Variants in COG5 observed in about 807,000 individuals in gnomAD.
The protein encoded by COG5 is component of oligomeric golgi complex 5.
COG5 carries 86 observed loss-of-function variants against 110.4 expected under a neutral mutation model. The ratio of observed to expected loss-of-function variants is 0.78; its 90% CI spans 0.65 to 0.93. The LOEUF (loss-of-function observed/expected upper bound fraction) is 0.93, where lower values mean the gene tolerates loss of function less well. COG5 is among the 40% of genes least tolerant of loss of function. The probability of loss-of-function intolerance (pLI) is 0.00; values close to 1 mark genes in which losing one functional copy is unlikely to be tolerated. For synonymous variants in COG5, 360 were observed against 334.6 expected (o/e 1.08, Z -0.83); for missense variants, 1,077 against 987.0 (o/e 1.09, Z -1.22).
chr7:107,377,621 C>G (rs1273730083), intron 7 of COG5, among the ~76,000 whole-genome samples: 1 of 152,160 alleles, frequency 6.6e-6, no homozygotes, highest in Non-Finnish European at 1.5e-5. Flanking sequence ...CCAAACTCTA[C>G]CACATAGCAG....
intron 6 of COG5, among the ~76,000 whole-genome samples, chr7:107,459,787 T>C (rs1386700075): frequency 1.6e-5 from 2 of 122,876 alleles, no homozygotes; most frequent in African/African-American, 6.7e-5. Flanking sequence ...TGCAGCAAGA[T>C]TCTGGCTCAG....
At chr7:107,384,240 A>G (rs1393004494) in intron 7 of COG5, among the ~76,000 whole-genome samples, 1 of 152,098 alleles carries the variant, frequency 6.6e-6, no homozygotes, top group Admixed American at 6.5e-5. Context: ...GCCCCCTGTC[A>G]GCAAGAGGCA....
At chr7:107,439,819 G>A (rs1248211998) in intron 6 of COG5, among the ~76,000 whole-genome samples, 2 of 152,080 alleles carry the variant, frequency 1.3e-5, no homozygotes, top group Non-Finnish European at 2.9e-5. Flanking sequence ...TTTCAAAAAT[G>A]GGATACATTA....
chr7:107,320,598 T>TCTGGTTGTCCAAGTCTAAAA (rs1035380420), intron 11 of COG5, among the ~76,000 whole-genome samples: 2 of 152,194 alleles, frequency 1.3e-5, no homozygotes, highest in Non-Finnish European at 2.9e-5. Flanking sequence ...AGGGTGTCTT[T>TCTGGTTGTCCAAGTCTAAAA]CTGGTTGTCC....
chr7:107,204,834 A>G (rs1309025757), intron 21 of COG5, among the ~76,000 whole-genome samples: 1 of 152,192 alleles, frequency 6.6e-6, no homozygotes, highest in Non-Finnish European at 1.5e-5. Context: ...TCCTCTGGAC[A>G]GTTTTATCTG....
chr7:107,415,723 T>C (rs577618864), intron 6 of COG5, among the ~76,000 whole-genome samples: 42 of 149,764 alleles, frequency 2.8e-4, no homozygotes, highest in Non-Finnish European at 4.9e-4. Flanking sequence ...TGAATGTATA[T>C]ATGTATATGT....
rs1221934619 is a variant in COG5, at chr7:107,210,583, C to T, written c.2318G>A (p.Arg773His). ...PFQRAEWSHT[R>H]FSQWLDDHPS... The stretch of plus-strand genomic sequence containing the variant: ...ATGGTCATCCAGCCACTGAGAGAAG[C>T]GTGTGTGGGACCACTCTGCCCTCTG... The change falls in exon 21 of 22, where the codon CGC becomes CAC. Residue 773 changes from arginine (R) to histidine (H), a missense_variant. Physicochemically the swap from Arg to His is conservative, Grantham distance 29. Coordinates refer to ENST00000297135, the MANE Select transcript of COG5 (RefSeq NM_006348.5). 5 of 1,604,124 alleles carry T rather than the reference C, an allele frequency of 3.1e-6. No individual in the cohort carries two copies. The highest frequency in any genetic ancestry group is 2.7e-5 in the African/African-American group (2 of 74,880).
chr7:107,481,685 C>T (rs896040661), intron 6 of COG5, among the ~76,000 whole-genome samples: 1 of 152,096 alleles, frequency 6.6e-6, no homozygotes, highest in Non-Finnish European at 1.5e-5. Flanking sequence ...ATACTCTGTA[C>T]TTTAAAAGTC....
chr7:107,226,051 C>CA (rs1562921548), intron 19 of COG5, among the ~76,000 whole-genome samples: 1 of 151,708 alleles, frequency 6.6e-6, no homozygotes, highest in African/African-American at 2.4e-5. Context: ...CACACACACA[C>CA]AAAAAAACAA....
chr7:107,419,638 G>T (rs1584800083), intron 6 of COG5, among the ~76,000 whole-genome samples: 1 of 151,672 alleles, frequency 6.6e-6, no homozygotes, highest in East Asian at 1.9e-4. Flanking sequence ...CACAATCCTG[G>T]CTCACTGCAA....
chr7:107,319,980 A>AAAC (rs755618792), intron 11 of COG5, among the ~76,000 whole-genome samples: 1 of 152,194 alleles, frequency 6.6e-6, no homozygotes, highest in African/African-American at 2.4e-5. Context: ...TCAAAAAACA[A>AAAC]AACAACAACA....
intron 6 of COG5, among the ~76,000 whole-genome samples, chr7:107,494,294 C>G (rs1272337632): frequency 6.6e-6 from 1 of 152,090 alleles, no homozygotes; most frequent in Admixed American, 6.6e-5. Flanking sequence ...GCAGAGTGAA[C>G]TGGTCAGGCA....
intron 7 of COG5, among the ~76,000 whole-genome samples, chr7:107,382,605 T>C (rs573795364): frequency 6.6e-6 from 1 of 152,186 alleles, no homozygotes; most frequent in South Asian, 2.1e-4. Context: ...GCCCAGCTAA[T>C]TTTTTGCATT....
intron 8 of COG5, among the ~76,000 whole-genome samples, chr7:107,368,677 C>A (rs1813848549): frequency 6.6e-6 from 1 of 152,176 alleles, no homozygotes; most frequent in Admixed American, 6.5e-5. Context: ...GTATGGACTA[C>A]TTTTCACTGT....
intron 19 of COG5, among the ~76,000 whole-genome samples, chr7:107,224,240 G>A (rs1232409455): frequency 1.3e-5 from 2 of 152,156 alleles, no homozygotes; most frequent in Non-Finnish European, 2.9e-5. Context: ...CTGCAGAGAC[G>A]GCCTTCTTTC....
intron 11 of COG5, among the ~76,000 whole-genome samples, chr7:107,301,312 T>C (rs1057136950): frequency 1.3e-4 from 20 of 151,534 alleles, no homozygotes; most frequent in African/African-American, 4.6e-4. Flanking sequence ...GCTAAGAAAA[T>C]GAAAATACAC....
At chr7:107,272,368 GA>G (rs918168721) in intron 14 of COG5, among the ~76,000 whole-genome samples, 4 of 152,110 alleles carry the variant, frequency 2.6e-5, no homozygotes, top group Non-Finnish European at 5.9e-5. Context: ...TTTCCGGATG[GA>G]ACCACTGTTC....
At chr7:107,523,053 C>T (rs1164860690) in intron 6 of COG5, among the ~76,000 whole-genome samples, 3 of 152,136 alleles carry the variant, frequency 2.0e-5, no homozygotes, top group East Asian at 3.9e-4. Flanking sequence ...AAAAGCCCCC[C>T]TGGAATTTAA....
At chr7:107,289,040 G>A (rs1805939197) in intron 12 of COG5, among the ~76,000 whole-genome samples, 1 of 148,778 alleles carries the variant, frequency 6.7e-6, no homozygotes, top group Admixed American at 6.8e-5. Context: ...TGTCCAGGCT[G>A]GACTCAAACT....
Sources: allele counts gnomAD v4.1 joint callset (sites outside exome capture counted in the v4.1 genomes callset), GRCh38; gene constraint gnomAD v4.1.1; transcripts MANE v1.5; gene names NCBI Gene and HGNC (gene_info 2026-07-23, HGNC 2026-07-21).